The following ADAM17 variants were observed in gnomAD, a reference collection of about 807,000 sequenced individuals.
ADAM17 encodes the protein disintegrin and metalloproteinase domain-containing protein 17.
ADAM17 carries 39 observed loss-of-function variants against 96.7 expected under a neutral mutation model. The ratio of observed to expected loss-of-function variants is 0.40; its 90% CI spans 0.31 to 0.53. The LOEUF is 0.53. Among genes scored for constraint, ADAM17 ranks in the 20% least tolerant of loss-of-function variants. ADAM17 has a pLI of 0.44. For synonymous variants in ADAM17, 344 were observed against 359.2 expected (o/e 0.96, Z 0.48); for missense variants, 777 against 1,013.2 (o/e 0.77, Z 3.17).
At chr2:9,533,639 C>CT (rs1664841712) in intron 4 of ADAM17, among the ~76,000 whole-genome samples, 2 of 152,240 alleles carry the variant, frequency 1.3e-5, no homozygotes, top group Non-Finnish European at 2.9e-5. Flanking sequence ...ACTATTTTCT[C>CT]TTTCTGAGCT....
At position 9,488,552 on chromosome 2, in the gene ADAM17, CTTG is replaced by C. The variant is rs756254259; in HGVS notation, c.*1622_*1624del. ...CAGCTATAAAATATACCCTGAGCAG[CTTG>C]TTAATTCTATAAATGACAAAGACTA... On this transcript the variant is annotated 3_prime_UTR_variant, in exon 19 of 19. Transcript: ENST00000310823. 1.4e-5 allele frequency: 5 copies of C among 365,660 alleles called. No homozygotes were observed. The highest frequency in any genetic ancestry group is 1.0e-4 in the African/African-American group (5 of 47,946). 22.7% of individuals were successfully genotyped at this position (365,660 alleles called of 1,614,324 possible). A position where few individuals can be genotyped will look rare whatever the true frequency, so the allele number is the denominator to read the frequency against.
chr2:9,491,494 G>C (rs2124953824), intron 17 of ADAM17, among the ~76,000 whole-genome samples: 1 of 152,324 alleles, frequency 6.6e-6, no homozygotes, highest in East Asian at 1.9e-4. Context: ...CCAGATGCTG[G>C]GTACACCAGG....
rs202043350 is a variant in ADAM17, at chr2:9,518,099, T to C, written c.1102+4A>G. Reference sequence around the variant, plus strand: ...ATATTCACACAAGAAATGGAAAAACTTACCCTTTGGACAAACACCTCCATG... The same window carrying C: ...ATATTCACACAAGAAATGGAAAAACCTACCCTTTGGACAAACACCTCCATG... On this transcript the variant is annotated splice_donor_region_variant and intron_variant, in intron 9 of 18. Coordinates refer to ENST00000310823, the MANE Select transcript of ADAM17 (RefSeq NM_003183.6). The C allele has an allele frequency of 3.8e-6, 6 of 1,583,604 alleles. No individual in the cohort carries two copies. The highest frequency in any genetic ancestry group is 1.4e-5 in the African/African-American group (1 of 73,248).
At chr2:9,537,600 C>T (rs1287532880) in intron 2 of ADAM17, among the ~76,000 whole-genome samples, 7 of 151,598 alleles carry the variant, frequency 4.6e-5, no homozygotes, top group Non-Finnish European at 8.8e-5. Context: ...GGCATGGTGG[C>T]GGGTGCCTAT....
chr2:9,541,374 C>T (rs1232176736), intron 2 of ADAM17, among the ~76,000 whole-genome samples: 1 of 152,066 alleles, frequency 6.6e-6, no homozygotes, highest in Non-Finnish European at 1.5e-5. Flanking sequence ...ACCATCCTGG[C>T]CAACATGGTG....
intron 4 of ADAM17, among the ~76,000 whole-genome samples, chr2:9,529,625 G>A (rs1664660804): frequency 6.6e-6 from 1 of 152,088 alleles, no homozygotes; most frequent in Admixed American, 6.5e-5. Context: ...TCTTTTTCAG[G>A]TGATAAAAAT....
intron 1 of ADAM17, among the ~76,000 whole-genome samples, chr2:9,554,635 T>C (rs553728373): frequency 6.6e-6 from 1 of 152,314 alleles, no homozygotes; most frequent in African/African-American, 2.4e-5. Flanking sequence ...TTATTACTAA[T>C]TAAAGTATCT....
chr2:9,526,276 A>G, intron 5 of ADAM17, 32 bp from the exon 6 acceptor site: 1 of 1,594,692 alleles, frequency 6.3e-7, no homozygotes, highest in Non-Finnish European at 8.5e-7. Context: ...TATTAAATCA[A>G]AATTCACCAA....
chr2:9,515,773 A>G (rs2125015789), intron 10 of ADAM17, among the ~76,000 whole-genome samples: 1 of 151,986 alleles, frequency 6.6e-6, no homozygotes, highest in Admixed American at 6.6e-5. Context: ...AAGAAAAGAA[A>G]CTGCCAACTG....
At chr2:9,539,329 G>A (rs564244938) in intron 2 of ADAM17, among the ~76,000 whole-genome samples, 7 of 152,122 alleles carry the variant, frequency 4.6e-5, no homozygotes, top group South Asian at 2.1e-4. Flanking sequence ...GGATGGTCTC[G>A]ATCTCCTGAC....
intron 4 of ADAM17, among the ~76,000 whole-genome samples, chr2:9,535,616 T>A (rs965317177): frequency 6.6e-6 from 1 of 152,224 alleles, no homozygotes; most frequent in African/African-American, 2.4e-5. Flanking sequence ...CCATCCCACA[T>A]GTAACTCTCT....
chr2:9,509,829 AAC>A lies in ADAM17; in HGVS notation c.1344+148_1344+149del, dbSNP rs149052493. The A allele has an allele frequency of 1.4e-3, 1,458 of 1,034,452 alleles. 7 individuals are homozygous for A. The African/African-American group carries it at 0.022, about 15-fold the overall frequency. 64.1% of individuals were successfully genotyped at this position (1,034,452 alleles called of 1,614,324 possible). ...TTAGATGAACCGTGCTTCACCCCAA[AAC>A]ACACAACCACGTTTCAAGGTACTTT... On this transcript the variant is annotated intron_variant, in intron 11 of 18. Transcript: ENST00000310823.
intron 11 of ADAM17, among the ~76,000 whole-genome samples, chr2:9,505,967 T>C (rs923788495): frequency 5.3e-5 from 8 of 152,096 alleles, no homozygotes; most frequent in Non-Finnish European, 1.2e-4. Flanking sequence ...GCAAGACCAG[T>C]GTCTCAAAAA....
intron 10 of ADAM17, among the ~76,000 whole-genome samples, chr2:9,514,586 G>T (rs1663957706): frequency 7.5e-6 from 1 of 134,014 alleles, no homozygotes; most frequent in Admixed American, 8.2e-5. Flanking sequence ...AAGAGACAGG[G>T]TCTCAGGCCA....
At chr2:9,503,187 C>T (rs897799048) in intron 12 of ADAM17, among the ~76,000 whole-genome samples, 2 of 150,084 alleles carry the variant, frequency 1.3e-5, no homozygotes, top group African/African-American at 2.5e-5. Flanking sequence ...GGTGGGGCCA[C>T]AAGGCAATCC....
At chr2:9,540,067 A>T (rs955945065) in intron 2 of ADAM17, among the ~76,000 whole-genome samples, 6 of 152,218 alleles carry the variant, frequency 3.9e-5, no homozygotes, top group African/African-American at 1.4e-4. Flanking sequence ...TTTCTTAGGG[A>T]ATCAATGTCA....
Position 9,489,160 on chromosome 2 carries a change from G to A in ADAM17, c.*1017C>T, listed in dbSNP as rs368905778. The A allele has an allele frequency of 7.5e-6, 1 of 134,160 alleles. No individual in the cohort carries two copies. Among genetic ancestry groups the A allele is most frequent in the Non-Finnish European group, 1.6e-5 (1 of 61,810 alleles). 8.3% of individuals were successfully genotyped at this position (134,160 alleles called of 1,614,324 possible). A position where few individuals can be genotyped will look rare whatever the true frequency, so the allele number is the denominator to read the frequency against. Reference sequence around the variant, plus strand: ...ACATTCAAAACAACCTGTTTTTTTTGTTGTTGTTGTTGTTAAGAAATATCT... The same window carrying A: ...ACATTCAAAACAACCTGTTTTTTTTATTGTTGTTGTTGTTAAGAAATATCT... On this transcript the variant is annotated 3_prime_UTR_variant, in exon 19 of 19. Transcript: ENST00000310823.
rs1359591236 is a variant in ADAM17, at chr2:9,489,768, CAAAT to C, written c.*405_*408del. The C allele has an allele frequency of 3.2e-5, 4 of 125,834 alleles. No individual in the cohort carries two copies. Among genetic ancestry groups the C allele is most frequent in the African/African-American group, 6.1e-5 (2 of 32,578 alleles). The allele number at this position is 125,834 out of a possible 1,614,324, so 7.8% of individuals were successfully genotyped here. A position where few individuals can be genotyped will look rare whatever the true frequency, so the allele number is the denominator to read the frequency against. ...AAAAAAACTATTCCAGTTGTCATCA[CAAAT>C]AAATGCCAAATGCCTCATATTCAGC... On this transcript the variant is annotated 3_prime_UTR_variant, in exon 19 of 19. Transcript: ENST00000310823.
At chr2:9,505,413 G>T in intron 11 of ADAM17, 48 bp from the exon 12 acceptor site, 1 of 1,534,130 alleles carries the variant, frequency 6.5e-7, no homozygotes, top group Non-Finnish European at 9.0e-7. Context: ...TCATAAAAAT[G>T]TATTCCCATG....
Sources: allele counts gnomAD v4.1 joint callset (sites outside exome capture counted in the v4.1 genomes callset), GRCh38; gene constraint gnomAD v4.1.1; transcripts MANE v1.5; gene names NCBI Gene and HGNC (gene_info 2026-07-23, HGNC 2026-07-21).